The following H2BC18 variants were observed in gnomAD, a reference collection of about 807,000 sequenced individuals.
H2BC18 encodes the protein H2B clustered histone 18.
A neutral mutation model predicts 6.3 loss-of-function variants in H2BC18; 8 were observed. The observed-to-expected ratio is 1.28, with a 90% confidence interval of 0.75 to 2.31. H2BC18 has a LOEUF of 2.31. Ranked by LOEUF, H2BC18 falls within the 30% of genes most tolerant of loss-of-function variation. The pLI, the probability that H2BC18 is intolerant of heterozygous loss-of-function variation, is 0.00. For synonymous variants in H2BC18, 104 were observed against 78.1 expected, an observed-to-expected ratio of 1.33 and a Z score of -1.75; for missense variants, 106 against 174.5, an observed-to-expected ratio of 0.61 and a Z score of 2.21.
intron 1 of H2BC18, among the ~76,000 whole-genome samples, chr1:149,804,470 G>A (rs1571416738): frequency 6.6e-6 from 1 of 152,288 alleles, no homozygotes; most frequent in East Asian, 1.9e-4. Flanking sequence ...GAATACAGAA[G>A]GTCTTATTTC....
At chr1:149,796,690 T>G (rs1553752824) in intron 1 of H2BC18, among the ~76,000 whole-genome samples, 1 of 152,206 alleles carries the variant, frequency 6.6e-6, no homozygotes, top group East Asian at 1.9e-4. Flanking sequence ...CCCAATTATT[T>G]TATCCTTTCA....
chr1:149,805,368 T>C (rs1481939970), intron 1 of H2BC18: 2 of 152,194 alleles, frequency 1.3e-5, no homozygotes, highest in Non-Finnish European at 2.9e-5. Context: ...CTATGACTCA[T>C]GTATAATCCC....
rs1178272023 is a variant in H2BC18 at position 149,784,538 on chromosome 1, G to A, written c.378-1278C>T. On this transcript the variant is annotated intron_variant, in intron 1 of 1. Transcript: ENST00000545683. Reference sequence around the variant, plus strand: ...TATTCCAAATGTATGCCTGTACATAGTAAATAATAATAATTCAAACAAATG... The same window carrying A: ...TATTCCAAATGTATGCCTGTACATAATAAATAATAATAATTCAAACAAATG... 3.0e-4 allele frequency among the ~76,000 whole-genome samples: 46 copies of A among 152,052 alleles called. 1 individual carries two copies. The highest frequency in any genetic ancestry group is 1.1e-3 in the African/African-American group (44 of 41,470).
downstream of H2BC18, among the ~76,000 whole-genome samples, chr1:149,810,150 C>G (rs1375368236): frequency 6.6e-6 from 1 of 152,044 alleles, no homozygotes; most frequent in African/African-American, 2.4e-5. Flanking sequence ...AAAAGGAACT[C>G]CTGACTTCAG....
intron 1 of H2BC18, among the ~76,000 whole-genome samples, chr1:149,793,782 A>G (rs2091767411): frequency 1.3e-5 from 2 of 151,938 alleles, no homozygotes; most frequent in South Asian, 4.1e-4. Context: ...TAGGGCCACA[A>G]GAGCTTCTGT....
chr1:149,807,193 C>T (rs2091925067), downstream of H2BC18, among the ~76,000 whole-genome samples: 3 of 152,136 alleles, frequency 2.0e-5, no homozygotes, highest in Non-Finnish European at 4.4e-5. Flanking sequence ...TAAGAAAAAG[C>T]TTATTCACTC....
chr1:149,791,148 C>G, intron 1 of H2BC18: 1 of 1,601,130 alleles, frequency 6.2e-7, no homozygotes, highest in Non-Finnish European at 8.5e-7. Flanking sequence ...CACATCAGGT[C>G]TCAGCCAACC....
At position 149,812,300 on chromosome 1, in the gene H2BC18, AGCGGATT is replaced by A; in HGVS notation, c.17_23del (p.Lys6IlefsTer39). The A allele has an allele frequency of 6.2e-7, 1 of 1,614,174 alleles. No homozygotes were observed. Among genetic ancestry groups the A allele is most frequent in the Non-Finnish European group, 8.5e-7 (1 of 1,180,022 alleles). ...TTTTGGAGCCCTTCTTGGGAGCAGG[AGCGGATT>A]TCGCTGGATCCGGCATTTTTGCGCG... On this transcript the variant is annotated frameshift_variant, in exon 1 of 1. Coordinates refer to ENST00000369167, the MANE Select transcript of H2BC18 (RefSeq NM_001024599.5). LOFTEE classifies it high-confidence loss of function.
chr1:149,805,808 A>G (rs1297642505), intron 1 of H2BC18, among the ~76,000 whole-genome samples: 2 of 151,998 alleles, frequency 1.3e-5, no homozygotes, highest in Non-Finnish European at 2.9e-5. Flanking sequence ...AGGAGGGGAG[A>G]CAAATGATAT....
chr1:149,803,838 G>A (rs1254839946), intron 1 of H2BC18: 1 of 152,208 alleles, frequency 6.6e-6, no homozygotes, highest in Non-Finnish European at 1.5e-5. Flanking sequence ...AAGGTCTTCG[G>A]ACTCTGTCAT....
At chr1:149,793,215 G>C (rs2091757210) in intron 1 of H2BC18, 1 of 1,272,048 alleles carries the variant, frequency 7.9e-7, no homozygotes, top group African/African-American at 1.6e-5. Context: ...CCATTTTCTT[G>C]GCTTGTCGCA....
Position 149,793,126 on chromosome 1 carries a change from C to A in H2BC18, c.378-9866G>T, listed in dbSNP as rs1222314662. On this transcript the variant is annotated intron_variant, in intron 1 of 1. Coordinates refer to the H2BC18 transcript ENST00000545683. ...GGGGATGCTGCCGGCCTCAGGTGCG[C>A]CCGGCCGAGCCTCCGCGGAGAGGAG... The A allele has an allele frequency of 7.1e-6, 9 of 1,274,294 alleles. No homozygotes were observed. The African/African-American group carries it at 1.4e-4, about 20-fold the overall frequency. 78.9% of individuals were successfully genotyped at this position (1,274,294 alleles called of 1,614,324 possible).
chr1:149,800,385 C>T (rs1199710132), intron 1 of H2BC18, among the ~76,000 whole-genome samples: 2 of 150,984 alleles, frequency 1.3e-5, no homozygotes, highest in African/African-American at 4.9e-5. Context: ...ACCTTCAGCC[C>T]CTCTCCCCTC....
At chr1:149,793,330 C>G in intron 1 of H2BC18, 1 of 1,147,536 alleles carries the variant, frequency 8.7e-7, no homozygotes, top group Non-Finnish European at 1.1e-6. Context: ...GTTCCCTCAC[C>G]GTCAAAAGCA....
At chr1:149,790,304 T>G (rs1258159071) in intron 1 of H2BC18, 2 of 1,588,336 alleles carry the variant, frequency 1.3e-6, no homozygotes, top group Non-Finnish European at 1.7e-6. Context: ...GAAATGTCCT[T>G]AAGCGCAGCC....
intron 1 of H2BC18, among the ~76,000 whole-genome samples, chr1:149,801,306 T>C (rs1425635784): frequency 2.7e-5 from 4 of 150,642 alleles, no homozygotes; most frequent in Non-Finnish European, 4.4e-5. Flanking sequence ...CAATTTTTTA[T>C]CATTTCTAGG....
rs1480107691 is a variant in H2BC18, at chr1:149,800,253, A to T, written c.377+11694T>A. On this transcript the variant is annotated intron_variant, in intron 1 of 1. Transcript: ENST00000545683. ...ACCTCCACTGGGTGCGCCGCCCTTC[A>T]GGAACCTCTACATGTTCAGCTATCC... 5.3e-5 allele frequency among the ~76,000 whole-genome samples: 8 copies of T among 152,248 alleles called. No homozygotes were observed. The East Asian group carries it at 1.5e-3, about 29-fold the overall frequency.
intron 1 of H2BC18, among the ~76,000 whole-genome samples, chr1:149,801,787 G>A (rs1553753388): frequency 1.3e-5 from 2 of 151,864 alleles, no homozygotes; most frequent in African/African-American, 4.8e-5. Context: ...ACTCAAGCAT[G>A]CTTGTAATTC....
At position 149,792,589 on chromosome 1, in the gene H2BC18, T is replaced by G. The variant is rs782536576; in HGVS notation, c.378-9329A>C. 113 of 1,201,736 alleles carry G rather than the reference T, an allele frequency of 9.4e-5. 7 individuals carry two copies. In the African/African-American group the frequency reaches 1.8e-3, roughly 19 times the overall value. 74.4% of individuals were successfully genotyped at this position (1,201,736 alleles called of 1,614,324 possible). On this transcript the variant is annotated intron_variant, in intron 1 of 1. Transcript: ENST00000545683. ...GGGATGGGGCGTCGCGCTCCGAGCG[T>G]GTCCCGCGGCGGGCCCCTGGCGCCA...
Sources: allele counts gnomAD v4.1 joint callset (sites outside exome capture counted in the v4.1 genomes callset), GRCh38; gene constraint gnomAD v4.1.1; transcripts MANE v1.5; gene names NCBI Gene and HGNC (gene_info 2026-07-23, HGNC 2026-07-21).